Variants in ZNF334 observed in about 807,000 individuals in gnomAD.
ZNF334 encodes zinc finger protein 334.
ZNF334 carries 14 observed loss-of-function variants against 12.4 expected under a neutral mutation model. The observed-to-expected ratio is 1.13, with a 90% CI of 0.74 to 1.76. The LOEUF (loss-of-function observed/expected upper bound fraction) is 1.76. Among genes scored for constraint, ZNF334 ranks in the 40% most tolerant of loss-of-function variants. The pLI is 0.00. For synonymous variants in ZNF334, 273 were observed against 269.6 expected (o/e 1.01, Z -0.12); for missense variants, 797 against 804.5 (o/e 0.99, Z 0.11).
In ZNF334 at chr20:46,504,241, C is replaced by T. The variant is rs761090675; in HGVS notation, c.214G>A (p.Glu72Lys). The T allele has an allele frequency of 5.0e-6, 8 of 1,612,858 alleles. 1 individual carries two copies. The South Asian group carries it at 8.8e-5, about 18-fold the overall frequency. The change falls in exon 4 of 5, where the codon GAG becomes AAG. Residue 72 changes from glutamate to lysine, a missense_variant. Glu to Lys is a moderately conservative substitution (Grantham distance 56). Transcript: ENST00000692313. ...LEQGEEPWIV[E>K]EFSNQNYPDI... Reference sequence around the variant, plus strand: ...GGGTAGTTCTGATTTGAGAATTCCTCCACTATCCATGGCTCTTCTCCTTGC... The same window carrying T: ...GGGTAGTTCTGATTTGAGAATTCCTTCACTATCCATGGCTCTTCTCCTTGC...
the ZNF334 span, among the ~76,000 whole-genome samples, chr20:46,471,243 G>A: frequency 6.6e-6 from 1 of 152,042 alleles, no homozygotes; most frequent in Non-Finnish European, 1.5e-5. Flanking sequence ...TATACCTATT[G>A]TCCATTTTGA....
At position 46,503,808 on chromosome 20, in the gene ZNF334, G is replaced by A. The variant is rs577314340; in HGVS notation, c.241+406C>T. The stretch of plus-strand genomic sequence containing the variant: ...GAAGCGTAGAATGGAAAGGGAAACC[G>A]TGTTATTTCTGTTAAGTGACGTAGA... On this transcript the variant is annotated intron_variant, in intron 4 of 4. Coordinates refer to ENST00000692313, the MANE Select transcript of ZNF334 (RefSeq NM_001353824.2). Among the ~76,000 whole-genome samples, 9 of 152,280 alleles carry A rather than the reference G, an allele frequency of 5.9e-5. No individual in the cohort carries two copies. The East Asian group carries it at 7.7e-4, about 13-fold the overall frequency.
At position 46,502,515 on chromosome 20, in the gene ZNF334, C is replaced by T. The variant is rs774723342; in HGVS notation, c.824G>A (p.Arg275His). 37 of 1,612,916 alleles carry T rather than the reference C, an allele frequency of 2.3e-5. No individual in the cohort carries two copies. The highest frequency in any genetic ancestry group is 3.3e-4 in the Middle Eastern group (2 of 6,076). ...GTGTCGAGTGAGGCTTGTCTTCACACGAAAAGTTTTCCTACAATCACTACA... is the reference window on the plus strand; with the variant it reads ...GTGTCGAGTGAGGCTTGTCTTCACATGAAAAGTTTTCCTACAATCACTACA... ...YVCSDCRKTF[R>H]VKTSLTRHRR... The change falls in exon 5 of 5, where the codon CGT becomes CAT. Residue 275 changes from arginine to histidine, a missense_variant. Transcript: ENST00000692313.
the ZNF334 span, among the ~76,000 whole-genome samples, chr20:46,479,370 G>A: frequency 1.4e-3 from 211 of 152,256 alleles, no homozygotes; most frequent in African/African-American, 4.8e-3. Context: ...AGACTGAACA[G>A]AGCCAAGAGA....
the ZNF334 span, chr20:46,485,604 T>C: frequency 6.6e-6 from 1 of 152,100 alleles, no homozygotes; most frequent in Non-Finnish European, 1.5e-5. Flanking sequence ...ATCCAGAGAT[T>C]TCAGAGAAAC....
chr20:46,477,440 G>A, the ZNF334 span, among the ~76,000 whole-genome samples: 2 of 152,092 alleles, frequency 1.3e-5, no homozygotes, highest in African/African-American at 4.8e-5. Context: ...TGGGGCTCAA[G>A]TGATCTTCTC....
At chr20:46,463,966 T>G in the ZNF334 span, 1 of 594,290 alleles carries the variant, frequency 1.7e-6, no homozygotes, top group Non-Finnish European at 3.3e-6. Context: ...GTCTGTCAGT[T>G]CATCGTCCCC....
chr20:46,477,149 A>G, the ZNF334 span: 1 of 152,324 alleles, frequency 6.6e-6, no homozygotes, highest in Non-Finnish European at 1.5e-5. Flanking sequence ...CCATAAACAG[A>G]GTCTAGGAGA....
chr20:46,481,463 C>A, the ZNF334 span: 4 of 152,266 alleles, frequency 2.6e-5, no homozygotes, highest in African/African-American at 9.6e-5. Context: ...CAAGGACTGA[C>A]TGACCAAGAG....
At chr20:46,505,395 T>A (rs1297285698) in intron 2 of ZNF334, 1 of 152,900 alleles carries the variant, frequency 6.5e-6, no homozygotes, top group Non-Finnish European at 1.5e-5. Context: ...GGAATTGTAG[T>A]ATATTTCCAA....
chr20:46,500,187 GCCCACTT>G lies in ZNF334; in HGVS notation c.*1102_*1108del, dbSNP rs2061106546. The G allele has an allele frequency of 6.6e-6, 1 of 152,168 alleles. No homozygotes were observed. The highest frequency in any genetic ancestry group is 2.1e-4 in the South Asian group (1 of 4,816). 9.4% of individuals were successfully genotyped at this position (152,168 alleles called of 1,614,324 possible). ...CATCACTATCTTACCAACTAGATAA[GCCCACTT>G]CCTCATGCCTGGGGCAGAATGCATA... On this transcript the variant is annotated 3_prime_UTR_variant, in exon 5 of 5. Transcript: ENST00000692313.
chr20:46,509,832 C>A (rs1302805311), intron 2 of ZNF334: 10 of 610,002 alleles, frequency 1.6e-5, no homozygotes, highest in East Asian at 8.3e-5. Flanking sequence ...GGAAGGTTTG[C>A]ATCCCAATAT....
chr20:46,472,061 C>A, the ZNF334 span, among the ~76,000 whole-genome samples: 3 of 152,178 alleles, frequency 2.0e-5, no homozygotes, highest in Admixed American at 1.3e-4. Flanking sequence ...ACATAGTAAT[C>A]ACTACATTTA....
the ZNF334 span, among the ~76,000 whole-genome samples, chr20:46,470,094 G>A: frequency 3.9e-5 from 6 of 152,268 alleles, no homozygotes; most frequent in South Asian, 6.2e-4. Context: ...AAAAATAGGT[G>A]CTCCATAAAA....
Position 46,502,253 on chromosome 20 carries a change from C to T in ZNF334, c.1086G>A (p.Ser362=), listed in dbSNP as rs140945220. Residue 362 remains serine (S), a synonymous_variant, in exon 5 of 5, where the codon TCG becomes TCA. Coordinates refer to ENST00000692313, the MANE Select transcript of ZNF334 (RefSeq NM_001353824.2). The part of the protein sequence containing the change: ...KECGNAFSKK[S]YLVVHQRTHR... The stretch of plus-strand genomic sequence containing the variant: ...GAGTTCTTTGATGTACAACAAGATA[C>T]GATTTCTTGCTGAAGGCATTTCCAC... 378 of 1,613,950 alleles carry T rather than the reference C, an allele frequency of 2.3e-4. 1 individual carries two copies. The highest frequency in any genetic ancestry group is 1.2e-3 in the African/African-American group (93 of 74,990).
Position 46,501,250 on chromosome 20 carries a change from GTTAT to G in ZNF334, c.*42_*45del, listed in dbSNP as rs1247387698. ...ATACTCACAGTTTAGCATTGTGTAA[GTTAT>G]TTGATTTGTTGCTTTGTTGGAATTT... On this transcript the variant is annotated 3_prime_UTR_variant, in exon 5 of 5. Coordinates refer to ENST00000692313, the MANE Select transcript of ZNF334 (RefSeq NM_001353824.2). 1.3e-6 allele frequency: 2 copies of G among 1,573,900 alleles called. No homozygotes were observed. Among genetic ancestry groups the G allele is most frequent in the Non-Finnish European group, 1.7e-6 (2 of 1,161,358 alleles).
At chr20:46,506,713 G>GA (rs1383314609) in intron 2 of ZNF334, 1 of 180,366 alleles carries the variant, frequency 5.5e-6, no homozygotes, top group Admixed American at 6.2e-5. Flanking sequence ...ACATTCAGGG[G>GA]AGAGGTGGAG....
the ZNF334 span, among the ~76,000 whole-genome samples, chr20:46,493,576 G>C: frequency 6.6e-6 from 1 of 152,204 alleles, no homozygotes; most frequent in Non-Finnish European, 1.5e-5. Flanking sequence ...TTGAGGTCAA[G>C]AGTTTGAGAC....
chr20:46,483,188 C>G, the ZNF334 span, among the ~76,000 whole-genome samples: 1 of 152,166 alleles, frequency 6.6e-6, no homozygotes, highest in Non-Finnish European at 1.5e-5. Context: ...ATATAATGCG[C>G]ATTTAATTGA....
Sources: gnomAD v4.1 joint callset for allele counts (sites outside exome capture counted in the v4.1 genomes callset) on GRCh38, gnomAD v4.1.1 for gene constraint, MANE v1.5 for transcripts, NCBI Gene and HGNC (gene_info 2026-07-23, HGNC 2026-07-21) for gene names.